ADCYAP1: variants seen among roughly 807,000 people sequenced by gnomAD.
ADCYAP1 encodes the protein adenylate cyclase activating polypeptide 1, also known as pituitary adenylate cyclase-activating polypeptide.
A neutral mutation model predicts 18.5 loss-of-function variants in ADCYAP1; 6 were observed. That is an observed-to-expected ratio of 0.32 (90% CI 0.18 to 0.64). The LOEUF is 0.64. Ranked by LOEUF, ADCYAP1 falls within the 30% of genes least tolerant of loss-of-function variation. The pLI is 0.77. For synonymous variants in ADCYAP1, 136 were observed against 113.9 expected, an observed-to-expected ratio of 1.19 and a Z score of -1.24; for missense variants, 314 against 253.6, an observed-to-expected ratio of 1.24 and a Z score of -1.62.
chr18:909,608 C>G lies in ADCYAP1; in HGVS notation c.504C>G (p.Asn168Lys). 6.2e-7 allele frequency: 1 copy of G among 1,613,832 alleles called. No individual in the cohort carries two copies. The highest frequency in any genetic ancestry group is 8.5e-7 in the Non-Finnish European group (1 of 1,179,844). ...AGAGGTATAAACAAAGGGTTAAAAACAAAGGACGCCGAATAGCTTATTTGT... is the reference window on the plus strand; with the variant it reads ...AGAGGTATAAACAAAGGGTTAAAAAGAAAGGACGCCGAATAGCTTATTTGT... ...LGKRYKQRVK[N>K]KGRRIAYL Residue 168 changes from asparagine (N) to lysine (K), a missense_variant, in exon 5 of 5, where the codon AAC becomes AAG. Transcript: ENST00000450565.
Position 904,915 on chromosome 18 carries a change from C to A in ADCYAP1, c.-147C>A. On this transcript the variant is annotated 5_prime_UTR_variant, in exon 1 of 5. Transcript: ENST00000450565. ...ACGAGTCCCGCAGCTCCTCCTGCTG[C>A]TCCCGCTGGTTCCTGCGGCTTCTGC... 1 of 1,289,848 alleles carries A rather than the reference C, an allele frequency of 7.8e-7. No individual in the cohort carries two copies. The highest frequency in any genetic ancestry group is 1.0e-6 in the Non-Finnish European group (1 of 989,128). The allele number at this position is 1,289,848 out of a possible 1,614,324, so 79.9% of individuals were successfully genotyped here.
At chr18:905,774 C>G (rs891367050) in intron 2 of ADCYAP1, 2 of 494,190 alleles carry the variant, frequency 4.0e-6, no homozygotes, top group African/African-American at 2.0e-5. Flanking sequence ...CCCCCCTCCC[C>G]CAACCCGGCC....
Position 904,950 on chromosome 18 carries a change from A to G in ADCYAP1, c.-112A>G. The G allele has an allele frequency of 7.7e-7, 1 of 1,290,544 alleles. No individual in the cohort carries two copies. The highest frequency in any genetic ancestry group is 1.0e-6 in the Non-Finnish European group (1 of 989,830). The allele number at this position is 1,290,544 out of a possible 1,614,324, so 79.9% of individuals were successfully genotyped here. A position where few individuals can be genotyped will look rare whatever the true frequency, so the allele number is the denominator to read the frequency against. On this transcript the variant is annotated 5_prime_UTR_variant, in exon 1 of 5. Transcript: ENST00000450565. ...TTCCTGCGGCTTCTGCTCAGACACC[A>G]ACGCCAGACGGCGATGCCTCTCGGG...
At chr18:907,244 G>T (rs1034522437) in intron 2 of ADCYAP1, among the ~76,000 whole-genome samples, 2 of 152,214 alleles carry the variant, frequency 1.3e-5, no homozygotes, top group African/African-American at 4.8e-5. Flanking sequence ...CTCCCCATTC[G>T]GGTCTTCGCG....
upstream of ADCYAP1, chr18:904,774 C>A (rs1909092341): frequency 7.8e-7 from 1 of 1,274,658 alleles, no homozygotes; most frequent in Non-Finnish European, 1.0e-6. Context: ...CGCTTCACCT[C>A]ATCGCCCCCT....
Position 909,587 on chromosome 18 carries a change from G to T in ADCYAP1, c.483G>T (p.Arg161Ser), listed in dbSNP as rs1472356692. The change falls in exon 5 of 5, where the codon AGG (arginine) becomes AGT (serine). Residue 161 changes from arginine (R) to serine (S), a missense_variant. Physicochemically the swap from Arg to Ser is moderately radical, Grantham distance 110. Transcript: ENST00000450565. ...KKYLAAVLGK[R>S]YKQRVKNKGR... ...ACTTGGCGGCCGTCCTAGGGAAGAG[G>T]TATAAACAAAGGGTTAAAAACAAAG... is the stretch of plus-strand genomic sequence containing the variant. 1 of 1,614,040 alleles carries T rather than the reference G, an allele frequency of 6.2e-7. No homozygotes were observed. Among genetic ancestry groups the T allele is most frequent in the Admixed American group, 1.7e-5 (1 of 60,004 alleles).
rs966506984 is a variant in ADCYAP1, at chr18:907,729, G to T, written c.181G>T (p.Ala61Ser). Residue 61 changes from alanine (A) to serine (S), a missense_variant, in exon 3 of 5, where the codon GCA (alanine) becomes TCA (serine). Transcript: ENST00000450565. ...PDFDGSEPPG[A>S]GSPASAPRAA... The stretch of plus-strand genomic sequence containing the variant: ...CTTCGATGGCTCGGAGCCGCCGGGC[G>T]CAGGGAGCCCCGCCTCCGCGCCGCG... The T allele has an allele frequency of 1.2e-5, 19 of 1,529,642 alleles. No individual in the cohort carries two copies. The African/African-American group carries it at 1.5e-4, about 12-fold the overall frequency. 94.8% of individuals were successfully genotyped at this position (1,529,642 alleles called of 1,614,324 possible). A position where few individuals can be genotyped will look rare whatever the true frequency, so the allele number is the denominator to read the frequency against.
At position 905,157 on chromosome 18, in the gene ADCYAP1, G is replaced by C. The variant is rs562212156; in HGVS notation, c.-2+97G>C. ...AGGGGAGTTAGCTTTCCTTCAGCCG[G>C]GTCTGGCTAGTTATTGGGCGCCGGG... On this transcript the variant is annotated intron_variant, in intron 1 of 4. Transcript: ENST00000450565. The C allele has an allele frequency of 8.3e-5, 116 of 1,400,452 alleles. 4 individuals carry two copies. In the South Asian group the frequency reaches 1.7e-3, roughly 20 times the overall value. 86.8% of individuals were successfully genotyped at this position (1,400,452 alleles called of 1,614,324 possible). A position where few individuals can be genotyped will look rare whatever the true frequency, so the allele number is the denominator to read the frequency against.
intron 3 of ADCYAP1, 36 bp downstream of exon 3, chr18:907,826 G>A (rs1909235063): frequency 1.8e-5 from 25 of 1,418,682 alleles, no homozygotes; most frequent in Non-Finnish European, 2.3e-5. Context: ...ACCCGCGGCT[G>A]GGAGCTCGGG....
rs574231227 is a variant in ADCYAP1 at position 911,881 on chromosome 18, A to G, written c.*2246A>G. 2.0e-5 allele frequency: 3 copies of G among 152,300 alleles called. No individual in the cohort carries two copies. The highest frequency in any genetic ancestry group is 7.2e-5 in the African/African-American group (3 of 41,566). The allele number at this position is 152,300 out of a possible 1,614,324, so 9.4% of individuals were successfully genotyped here. ...GCTCTAGTTAACCTTTTATTTATGA[A>G]GTCTAATTTAGTGTTCCCGTGGCTA... On this transcript the variant is annotated 3_prime_UTR_variant, in exon 5 of 5. Transcript: ENST00000450565.
chr18:911,978 T>G lies in ADCYAP1; in HGVS notation c.*2343T>G, dbSNP rs1201415720. 1 of 152,214 alleles carries G rather than the reference T, an allele frequency of 6.6e-6. No homozygotes were observed. The highest frequency in any genetic ancestry group is 1.5e-5 in the Non-Finnish European group (1 of 68,042). 9.4% of individuals were successfully genotyped at this position (152,214 alleles called of 1,614,324 possible). Reference sequence around the variant, plus strand: ...TTTTTAGAAATGCCAAGAGCCTTACTAAACTGAAGCAGATTTATGATATAG... The same window carrying G: ...TTTTTAGAAATGCCAAGAGCCTTACGAAACTGAAGCAGATTTATGATATAG... On this transcript the variant is annotated 3_prime_UTR_variant, in exon 5 of 5. Coordinates refer to ENST00000450565, the MANE Select transcript of ADCYAP1 (RefSeq NM_001099733.2).
rs575565631 is a variant in ADCYAP1, at chr18:907,170, G to A, written c.111-489G>A. Among the ~76,000 whole-genome samples, 7 of 152,286 alleles carry A rather than the reference G, an allele frequency of 4.6e-5. No individual in the cohort carries two copies. In the East Asian group the frequency reaches 1.2e-3, roughly 25 times the overall value. ...GGGCTCCCCTGGGCTCGGAGGCTGG[G>A]GTGGGGGTGGCTGAGGAGTTGGCCC... is the stretch of plus-strand genomic sequence containing the variant. On this transcript the variant is annotated intron_variant, in intron 2 of 4. Transcript: ENST00000450565.
Position 905,066 on chromosome 18 carries a change from G to C in ADCYAP1, c.-2+6G>C, listed in dbSNP as rs368109454. On this transcript the variant is annotated splice_donor_region_variant and intron_variant, in intron 1 of 4. Transcript: ENST00000450565. ...GCAGCGGGAGGAGTTGAAGGGTAAG[G>C]GAGGGAAAATCTTACCAAAGCGACC... The C allele has an allele frequency of 7.7e-7, 1 of 1,295,252 alleles. No homozygotes were observed. 80.2% of individuals were successfully genotyped at this position (1,295,252 alleles called of 1,614,324 possible). A position where few individuals can be genotyped will look rare whatever the true frequency, so the allele number is the denominator to read the frequency against.
rs763972860 is a variant in ADCYAP1 at position 909,473 on chromosome 18, C to T, written c.369C>T (p.Asp123=). 6.2e-7 allele frequency: 1 copy of T among 1,612,250 alleles called. No homozygotes were observed. Among genetic ancestry groups the T allele is most frequent in the South Asian group, 1.1e-5 (1 of 90,964 alleles). ...GGAGCCTCGGCGGCGGCGCGGGGGACGACGCGGAGCCGCTCTCCAAGCGCC... is the reference window on the plus strand; with the variant it reads ...GGAGCCTCGGCGGCGGCGCGGGGGATGACGCGGAGCCGCTCTCCAAGCGCC... The part of the protein sequence containing the change: ...VGGSLGGGAG[D]DAEPLSKRHS... Residue 123 remains aspartate (D), a synonymous_variant, in exon 5 of 5, where the codon GAC becomes GAT. Transcript: ENST00000450565.
At chr18:907,959 G>C (rs1431972083) in intron 3 of ADCYAP1, 169 bp downstream of exon 3, 2 of 1,276,122 alleles carry the variant, frequency 1.6e-6, no homozygotes, top group Non-Finnish European at 2.0e-6. Context: ...AATCAGCAGC[G>C]GGCGGGTCTG....
intron 2 of ADCYAP1, among the ~76,000 whole-genome samples, chr18:907,364 T>G (rs1288197129): frequency 6.7e-6 from 1 of 148,228 alleles, no homozygotes. Flanking sequence ...TAGACAGGTG[T>G]GCGCGATCGG....
At position 909,873 on chromosome 18, in the gene ADCYAP1, AATATATAT is replaced by A. The variant is rs35018620; in HGVS notation, c.*264_*271del. ...ATATATATTATAAATATATATAAAGAATATATATATATATATATATATATATATATATA... is the reference window on the plus strand; with the variant it reads ...ATATATATTATAAATATATATAAAGAATATATATATATATATATATATATA... On this transcript the variant is annotated 3_prime_UTR_variant, in exon 5 of 5. Transcript: ENST00000450565. The A allele has an allele frequency of 0.11, 15,252 of 143,268 alleles. 856 individuals are homozygous for A. Among genetic ancestry groups the A allele is most frequent in the East Asian group, 0.15 (731 of 4,900 alleles). The allele number at this position is 143,268 out of a possible 1,614,324, so 8.9% of individuals were successfully genotyped here. A position where few individuals can be genotyped will look rare whatever the true frequency, so the allele number is the denominator to read the frequency against.
chr18:908,136 TGG>T (rs1365864478), intron 3 of ADCYAP1, 127 bp from the exon 4 acceptor site: 1 of 807,786 alleles, frequency 1.2e-6, no homozygotes, highest in African/African-American at 1.8e-5. Flanking sequence ...TGGCGAGTTC[TGG>T]GCCTCTGGAG....
At chr18:904,735 G>T, upstream of ADCYAP1, 22 of 1,244,614 alleles carry the variant, frequency 1.8e-5, no homozygotes, top group Non-Finnish European at 2.3e-5. Context: ...TCTTCCTCCG[G>T]GTGGACTTAC....
Sources: allele counts gnomAD v4.1 joint callset (sites outside exome capture counted in the v4.1 genomes callset), GRCh38; gene constraint gnomAD v4.1.1; transcripts MANE v1.5; gene names NCBI Gene and HGNC (gene_info 2026-07-23, HGNC 2026-07-21).